Variants in NRXN3 observed in about 807,000 individuals in gnomAD.
NRXN3 encodes neurexin III.
NRXN3 carries 32 observed loss-of-function variants against 137.6 expected under a neutral mutation model. The ratio of observed to expected loss-of-function variants is 0.23; its 90% confidence interval spans 0.18 to 0.31. The LOEUF (loss-of-function observed/expected upper bound fraction) is 0.31, where lower values mean the gene tolerates loss of function less well. Among genes scored for constraint, NRXN3 ranks in the 10% least tolerant of loss-of-function variants. NRXN3 has a pLI of 1.00. For missense variants in NRXN3, 1,574 were observed against 2,062.5 expected, an observed-to-expected ratio of 0.76 and a Z score of 4.59; for synonymous variants, 798 against 784.5, an observed-to-expected ratio of 1.02 and a Z score of -0.29.
At chr14:78,828,665 T>C (rs935779637) in intron 10 of NRXN3, among the ~76,000 whole-genome samples, 4 of 152,200 alleles carry the variant, frequency 2.6e-5, no homozygotes, top group Non-Finnish European at 5.9e-5. Flanking sequence ...AAATTATGTT[T>C]GGAAAGCAGA....
intron 16 of NRXN3, among the ~76,000 whole-genome samples, chr14:79,622,875 C>T (rs1044950004): frequency 1.4e-4 from 22 of 152,274 alleles, no homozygotes; most frequent in South Asian, 6.2e-4. Context: ...GGATTACAGG[C>T]GTGAGCCACC....
At chr14:78,500,486 A>G (rs1599536510) in intron 4 of NRXN3, among the ~76,000 whole-genome samples, 1 of 152,280 alleles carries the variant, frequency 6.6e-6, no homozygotes, top group East Asian at 1.9e-4. Context: ...TGTGAAGAGA[A>G]GTTGCCTTCT....
intron 4 of NRXN3, among the ~76,000 whole-genome samples, chr14:78,632,966 T>A (rs1050953253): frequency 9.2e-5 from 14 of 152,062 alleles, no homozygotes; most frequent in Non-Finnish European, 1.8e-4. Flanking sequence ...CTGGGCGTAG[T>A]GGCTCACGCA....
At chr14:79,188,132 A>G (rs929529825) in intron 15 of NRXN3, among the ~76,000 whole-genome samples, 1 of 152,220 alleles carries the variant, frequency 6.6e-6, no homozygotes, top group African/African-American at 2.4e-5. Flanking sequence ...GCTTTGAGTC[A>G]TTAAGAGACA....
chr14:78,497,360 G>T (rs1234868993), intron 4 of NRXN3, among the ~76,000 whole-genome samples: 1 of 151,952 alleles, frequency 6.6e-6, no homozygotes, highest in African/African-American at 2.4e-5. Flanking sequence ...TTATAAATCT[G>T]CCTTGCCATC....
At chr14:79,745,620 T>C (rs984878461) in intron 19 of NRXN3, among the ~76,000 whole-genome samples, 6 of 152,078 alleles carry the variant, frequency 3.9e-5, no homozygotes, top group African/African-American at 1.4e-4. Context: ...TTACAAGAAA[T>C]TTTTGGCTTA....
intron 4 of NRXN3, among the ~76,000 whole-genome samples, chr14:78,429,326 G>A (rs1021784077): frequency 8.6e-5 from 13 of 151,978 alleles, no homozygotes; most frequent in African/African-American, 2.4e-4. Flanking sequence ...CAATCCACCC[G>A]CCTCGGCCTC....
At chr14:78,202,648 C>T (rs1194763750) in intron 1 of NRXN3, among the ~76,000 whole-genome samples, 1 of 152,152 alleles carries the variant, frequency 6.6e-6, no homozygotes, top group African/African-American at 2.4e-5. Flanking sequence ...AAACAGATCT[C>T]TCATATCAAG....
chr14:79,861,440 A>G lies in NRXN3; in HGVS notation c.4192A>G (p.Ser1398Gly), dbSNP rs1199387339. 6.5e-7 allele frequency: 1 copy of G among 1,536,574 alleles called. No homozygotes were observed. Among genetic ancestry groups the G allele is most frequent in the African/African-American group, 1.4e-5 (1 of 73,162 alleles). ...TAGACCTAACAAAGTCTCCGAAACT[A>G]GTAGGACTACTACCACATCTTTATC... ...DFRPNKVSETSRTTTTSLSPE... is the reference protein window; with the variant it reads ...DFRPNKVSETGRTTTTSLSPE... Residue 1398 changes from serine to glycine, a missense_variant, in exon 21 of 21, where the codon AGT becomes GGT. Ser to Gly is a moderately conservative substitution (Grantham distance 56). Transcript: ENST00000335750. This position sits in a 1 kb window ranked among gnomAD's most constrained non-coding sequence, Gnocchi z 5.4.
At chr14:78,851,127 A>G (rs2099041382) in intron 10 of NRXN3, among the ~76,000 whole-genome samples, 1 of 152,208 alleles carries the variant, frequency 6.6e-6, no homozygotes, top group Non-Finnish European at 1.5e-5. Flanking sequence ...GGTATAGTGC[A>G]GTAGATAATG....
At chr14:78,687,483 A>C (rs1408384647) in intron 6 of NRXN3, among the ~76,000 whole-genome samples, 1 of 152,220 alleles carries the variant, frequency 6.6e-6, no homozygotes, top group Non-Finnish European at 1.5e-5. Flanking sequence ...TGAATTGTAC[A>C]TTGAGTATGC....
chr14:78,408,699 A>G (rs1388831545), intron 4 of NRXN3, among the ~76,000 whole-genome samples: 4 of 152,210 alleles, frequency 2.6e-5, no homozygotes, highest in Admixed American at 6.5e-5. Flanking sequence ...CTGCAAGACA[A>G]CTATTTGCTC....
chr14:79,007,591 G>A (rs1399326731), intron 15 of NRXN3, among the ~76,000 whole-genome samples: 1 of 151,878 alleles, frequency 6.6e-6, no homozygotes, highest in Non-Finnish European at 1.5e-5. Flanking sequence ...AGATCACACG[G>A]TCAGGAGATC....
At chr14:79,403,663 G>A (rs2095254882) in intron 15 of NRXN3, among the ~76,000 whole-genome samples, 1 of 152,144 alleles carries the variant, frequency 6.6e-6, no homozygotes, top group Admixed American at 6.6e-5. Context: ...GACTAAGGCT[G>A]TGAGAGAGAA....
At chr14:78,466,093 T>C (rs2095098948) in intron 4 of NRXN3, among the ~76,000 whole-genome samples, 1 of 152,154 alleles carries the variant, frequency 6.6e-6, no homozygotes, top group Non-Finnish European at 1.5e-5. Flanking sequence ...GACCTCGTGA[T>C]CTGCCCACCT....
rs200348090 is a variant in NRXN3, at chr14:79,775,968, T to TA, written c.4015-29136dup. 2.3e-3 allele frequency among the ~76,000 whole-genome samples: 355 copies of TA among 151,942 alleles called. 12 individuals are homozygous for TA. In the East Asian group the frequency reaches 0.045, roughly 19 times the overall value. ...TAGTCCCACATCCTAGCATGGAGCC[T>TA]AAAAAAAAGTAGGTTCTTCATAAAT... On this transcript the variant is annotated intron_variant, in intron 19 of 20. Transcript: ENST00000335750.
At chr14:78,866,505 A>G (rs1341178820) in intron 10 of NRXN3, among the ~76,000 whole-genome samples, 3 of 152,210 alleles carry the variant, frequency 2.0e-5, no homozygotes, top group Non-Finnish European at 4.4e-5. Flanking sequence ...TTTATGATGA[A>G]TGAACACAGT....
chr14:79,093,844 A>T (rs1214332541), intron 15 of NRXN3, among the ~76,000 whole-genome samples: 1 of 152,074 alleles, frequency 6.6e-6, no homozygotes, highest in Non-Finnish European at 1.5e-5. Context: ...TCTATTTTCT[A>T]CATGACCGGG....
chr14:79,662,743 A>G (rs972714898), intron 16 of NRXN3, among the ~76,000 whole-genome samples: 4 of 152,128 alleles, frequency 2.6e-5, no homozygotes, highest in Non-Finnish European at 5.9e-5. Flanking sequence ...ACATGACAGG[A>G]GCAGGAACAA....
Sources: gnomAD v4.1 joint callset for allele counts (sites outside exome capture counted in the v4.1 genomes callset) on GRCh38, gnomAD v4.1.1 for gene constraint, Gnocchi (gnomAD v3.1) non-coding constraint, MANE v1.5 for transcripts, NCBI Gene and HGNC (gene_info 2026-07-23, HGNC 2026-07-21) for gene names.